ZHX2: variants seen among roughly 807,000 people sequenced by gnomAD.
ZHX2 encodes zinc fingers and homeoboxes 2.
Under a neutral mutation model 21.9 loss-of-function variants are expected in ZHX2, and 6 were observed. That is an observed-to-expected ratio of 0.27 (90% CI 0.15 to 0.54). ZHX2 has a LOEUF of 0.54. Ranked by LOEUF, ZHX2 falls within the 20% of genes least tolerant of loss-of-function variation. ZHX2 has a pLI of 0.95. For missense variants in ZHX2, 908 were observed against 1,090.7 expected, an observed-to-expected ratio of 0.83 and a Z score of 2.36; for synonymous variants, 434 against 437.1, an observed-to-expected ratio of 0.99 and a Z score of 0.09.
chr8:122,948,613 G>A (rs531723275), intron 2 of ZHX2, among the ~76,000 whole-genome samples: 1 of 152,228 alleles, frequency 6.6e-6, no homozygotes, highest in South Asian at 2.1e-4. Context: ...TTAGAAGCAA[G>A]GCATAAGTGC....
chr8:122,881,825 T>C (rs1819719976), intron 2 of ZHX2, among the ~76,000 whole-genome samples: 2 of 152,138 alleles, frequency 1.3e-5, no homozygotes, highest in African/African-American at 4.8e-5. Flanking sequence ...TTCTGTTCCA[T>C]CCCTAAATCA....
chr8:122,954,496 A>T (rs1329423214), intron 3 of ZHX2, among the ~76,000 whole-genome samples: 1 of 152,050 alleles, frequency 6.6e-6, no homozygotes, highest in Non-Finnish European at 1.5e-5. Context: ...TTTGGTAGAG[A>T]CGGGGTCTCA....
chr8:122,925,152 C>T (rs1000416479), intron 2 of ZHX2, among the ~76,000 whole-genome samples: 2 of 152,234 alleles, frequency 1.3e-5, no homozygotes, highest in African/African-American at 4.8e-5. Context: ...CCCAAGATAA[C>T]TTTGGAGTAA....
intron 2 of ZHX2, among the ~76,000 whole-genome samples, chr8:122,924,756 G>C (rs57264684): frequency 6.6e-6 from 1 of 152,118 alleles, no homozygotes; most frequent in Non-Finnish European, 1.5e-5. Context: ...TTGGCCCATC[G>C]GTGAATATCT....
At chr8:122,797,580 C>T (rs948287453) in intron 1 of ZHX2, among the ~76,000 whole-genome samples, 7 of 151,886 alleles carry the variant, frequency 4.6e-5, no homozygotes, top group East Asian at 1.9e-4. Context: ...GACAAAGTTT[C>T]GGGGCAAAGT....
At chr8:122,791,570 G>C (rs1473961109) in intron 1 of ZHX2, among the ~76,000 whole-genome samples, 1 of 152,162 alleles carries the variant, frequency 6.6e-6, no homozygotes, top group Non-Finnish European at 1.5e-5. Context: ...TAAGTGTGAA[G>C]ATGATGTATA....
chr8:122,866,059 C>T (rs1473551625), intron 2 of ZHX2, among the ~76,000 whole-genome samples: 1 of 152,218 alleles, frequency 6.6e-6, no homozygotes, highest in Non-Finnish European at 1.5e-5. Flanking sequence ...CCTCTCAGAA[C>T]ACCCCTTTTT....
chr8:122,877,744 G>A (rs892318558), intron 2 of ZHX2, among the ~76,000 whole-genome samples: 4 of 152,176 alleles, frequency 2.6e-5, no homozygotes, highest in Non-Finnish European at 5.9e-5. Flanking sequence ...CTGAGAGGAT[G>A]GGACTGGAAA....
In ZHX2 at chr8:122,953,657, T is replaced by A; in HGVS notation, c.2147T>A (p.Met716Lys). The A allele has an allele frequency of 6.2e-7, 1 of 1,614,152 alleles. No individual in the cohort carries two copies. The highest frequency in any genetic ancestry group is 8.5e-7 in the Non-Finnish European group (1 of 1,180,014). The change falls in exon 3 of 4, where the codon ATG (methionine) becomes AAG (lysine). Residue 716 changes from methionine (M) to lysine (K), a missense_variant. This residue lies in a region of ZHX2 where 431 missense variants were observed against 428.6 expected (regional missense o/e 1.01). Coordinates refer to ENST00000314393, the MANE Select transcript of ZHX2 (RefSeq NM_014943.5). The surrounding 1 kb of genome is among the most constrained non-coding windows in gnomAD (Gnocchi z 4.6). Reference protein sequence around the residue: ...DAVARKATKPMAESPKNGGDV... With the variant: ...DAVARKATKPKAESPKNGGDV... ...GTAGCAAGGAAAGCAACAAAACCCA[T>A]GGCCGAGAGCCCAAAGAACGGGGGT...
At chr8:122,971,608 G>A (rs111672060) in intron 3 of ZHX2, among the ~76,000 whole-genome samples, 8,203 of 28,316 alleles carry the variant, frequency 0.29, 396 homozygotes, top group Middle Eastern at 0.5. Context: ...GTTGGCCCCT[G>A]TACAAAAAAA....
intron 2 of ZHX2, among the ~76,000 whole-genome samples, chr8:122,925,828 C>T (rs143475894): frequency 1.3e-3 from 193 of 152,074 alleles, no homozygotes; most frequent in African/African-American, 4.2e-3. Flanking sequence ...AGCCAGGGAA[C>T]GGTTAAGAGA....
At chr8:122,824,412 A>G (rs958082181) in intron 1 of ZHX2, among the ~76,000 whole-genome samples, 3 of 152,184 alleles carry the variant, frequency 2.0e-5, no homozygotes, top group Non-Finnish European at 4.4e-5. Flanking sequence ...GATATTGTCC[A>G]ATGAACCCTC....
chr8:122,953,212 C>G lies in ZHX2; in HGVS notation c.1702C>G (p.Leu568Val). 5 of 1,613,798 alleles carry G rather than the reference C, an allele frequency of 3.1e-6. No individual in the cohort carries two copies. The highest frequency in any genetic ancestry group is 4.2e-6 in the Non-Finnish European group (5 of 1,179,966). Reference sequence around the variant, plus strand: ...GGATCGGCTAAGGGTGGAGACCAAGCTGAGCAGGAGAGAGATCGACTCCTG... The same window carrying G: ...GGATCGGCTAAGGGTGGAGACCAAGGTGAGCAGGAGAGAGATCGACTCCTG... ...ELDRLRVETK[L>V]SRREIDSWFS... Residue 568 changes from leucine (L) to valine (V), a missense_variant, in exon 3 of 4, where the codon CTG becomes GTG. By Grantham distance (32) the Leu-to-Val change is conservative. Around this residue, in one of 4 missense-constraint regions of ZHX2, gnomAD observed 431 missense variants for 428.6 expected, o/e 1.01. Coordinates refer to ENST00000314393, the MANE Select transcript of ZHX2 (RefSeq NM_014943.5). This position sits in a 1 kb window ranked among gnomAD's most constrained non-coding sequence, Gnocchi z 4.6.
At chr8:122,920,856 C>T (rs941227576) in intron 2 of ZHX2, among the ~76,000 whole-genome samples, 42 of 152,068 alleles carry the variant, frequency 2.8e-4, no homozygotes, top group African/African-American at 9.2e-4. Context: ...GCTTTCAGGC[C>T]GAAGGGGCTG....
intron 3 of ZHX2, among the ~76,000 whole-genome samples, chr8:122,965,231 T>C (rs1282614350): frequency 1.3e-5 from 2 of 152,086 alleles, no homozygotes; most frequent in African/African-American, 4.8e-5. Flanking sequence ...TTTCTTGAGG[T>C]GTGAGTTTAG....
intron 2 of ZHX2, among the ~76,000 whole-genome samples, chr8:122,895,580 C>A (rs752719329): frequency 2.0e-5 from 3 of 152,176 alleles, no homozygotes; most frequent in African/African-American, 2.4e-5. Flanking sequence ...GTTCTTCTCA[C>A]TGCTACCTAG....
chr8:122,954,093 G>A, intron 3 of ZHX2, 65 bp downstream of exon 3: 4 of 1,414,968 alleles, frequency 2.8e-6, no homozygotes, highest in Non-Finnish European at 3.8e-6. Context: ...CGTTGCCAGG[G>A]TTAATATAGA....
rs190166799 is a variant in ZHX2, at chr8:122,884,273, A to G, written c.-220+20734A>G. 2.8e-3 allele frequency among the ~76,000 whole-genome samples: 432 copies of G among 152,342 alleles called. 2 individuals carry two copies. The highest frequency in any genetic ancestry group is 9.4e-3 in the African/African-American group (391 of 41,580). ...TTATGTGGGGCATGACTGTTTTCCT[A>G]TATGGCTCCGTTCAGTCGGATAAAG... On this transcript the variant is annotated intron_variant, in intron 2 of 3. Coordinates refer to ENST00000314393, the MANE Select transcript of ZHX2 (RefSeq NM_014943.5).
intron 2 of ZHX2, among the ~76,000 whole-genome samples, chr8:122,889,095 G>A (rs1271094549): frequency 2.0e-5 from 3 of 152,066 alleles, no homozygotes; most frequent in Non-Finnish European, 4.4e-5. Flanking sequence ...CGACTGAATA[G>A]TATTTTTGAT....
Sources: allele counts gnomAD v4.1 joint callset (sites outside exome capture counted in the v4.1 genomes callset), GRCh38; gene constraint gnomAD v4.1.1; regional missense constraint gnomAD v4.1.1; non-coding constraint Gnocchi (gnomAD v3.1); transcripts MANE v1.5; gene names NCBI Gene and HGNC (gene_info 2026-07-23, HGNC 2026-07-21).